GABRB3: variants seen among roughly 807,000 people sequenced by gnomAD.
The protein encoded by GABRB3 is gamma-aminobutyric acid receptor subunit beta-3.
GABRB3 carries 14 observed loss-of-function variants against 52.1 expected under a neutral mutation model. That is an observed-to-expected ratio of 0.27 (90% CI 0.18 to 0.42). The LOEUF (loss-of-function observed/expected upper bound fraction) is 0.42, where lower values mean the gene tolerates loss of function less well. GABRB3 is among the 10% of genes least tolerant of loss of function. The probability of loss-of-function intolerance (pLI) is 1.00; values close to 1 mark genes in which losing one functional copy is unlikely to be tolerated. For missense variants in GABRB3, 307 were observed against 609.1 expected, an observed-to-expected ratio of 0.50 and a Z score of 5.22; for synonymous variants, 260 against 232.3, an observed-to-expected ratio of 1.12 and a Z score of -1.08.
In GABRB3 at chr15:26,623,370, G is replaced by A. The variant is rs112292144; in HGVS notation, c.241-1836C>T. Among the ~76,000 whole-genome samples the A allele has an allele frequency of 3.9e-5, 6 of 152,226 alleles. No homozygotes were observed. In the South Asian group the frequency reaches 8.3e-4, roughly 21 times the overall value. Reference sequence around the variant, plus strand: ...AGAGCCATGACCAGGAGTATTAACCGTGCCTTTTATTTCTGTGTTCTGATG... The same window carrying A: ...AGAGCCATGACCAGGAGTATTAACCATGCCTTTTATTTCTGTGTTCTGATG... On this transcript the variant is annotated intron_variant, in intron 3 of 8. Coordinates refer to ENST00000311550, the MANE Select transcript of GABRB3 (RefSeq NM_000814.6).
chr15:26,700,651 T>A (rs1461925932), intron 3 of GABRB3, among the ~76,000 whole-genome samples: 1 of 152,214 alleles, frequency 6.6e-6, no homozygotes, highest in Non-Finnish European at 1.5e-5. Context: ...AAGGAAAGTT[T>A]AACTTTTTTT....
intron 3 of GABRB3, among the ~76,000 whole-genome samples, chr15:26,753,329 G>C (rs917458352): frequency 3.3e-5 from 5 of 152,202 alleles, no homozygotes; most frequent in African/African-American, 1.2e-4. Context: ...AGAGGAACCA[G>C]ACCACAGGAG....
chr15:26,670,534 C>T (rs960234766), intron 3 of GABRB3, among the ~76,000 whole-genome samples: 2 of 152,172 alleles, frequency 1.3e-5, no homozygotes, highest in South Asian at 2.1e-4. Flanking sequence ...CCGTGCCGAC[C>T]GCAGCTCCAC....
In GABRB3 at chr15:26,547,493, T is replaced by C; in HGVS notation, c.*300A>G. On this transcript the variant is annotated 3_prime_UTR_variant, in exon 9 of 9. Coordinates refer to ENST00000311550, the MANE Select transcript of GABRB3 (RefSeq NM_000814.6). Reference sequence around the variant, plus strand: ...TTAAAAAAGAAAAAAACTATGACTTTCTTTAATATGCATCCTGTGGTAAAT... The same window carrying C: ...TTAAAAAAGAAAAAAACTATGACTTCCTTTAATATGCATCCTGTGGTAAAT... 2 of 490,362 alleles carry C rather than the reference T, an allele frequency of 4.1e-6. No individual in the cohort carries two copies. The highest frequency in any genetic ancestry group is 7.1e-6 in the Non-Finnish European group (2 of 280,886). The allele number at this position is 490,362 out of a possible 1,614,324, so 30.4% of individuals were successfully genotyped here.
rs1225961318 is a variant in GABRB3, at chr15:26,543,930, A to G, written c.*3863T>C. ...TGGGAATTTAGTATTTCAGGAAAAC[A>G]TGGCGCCTTTCAATGCAGTAGAAGA... On this transcript the variant is annotated 3_prime_UTR_variant, in exon 9 of 9. Transcript: ENST00000311550. 2 of 152,740 alleles carry G rather than the reference A, an allele frequency of 1.3e-5. No homozygotes were observed. The highest frequency in any genetic ancestry group is 1.9e-4 in the East Asian group (1 of 5,172). The allele number at this position is 152,740 out of a possible 1,614,324, so 9.5% of individuals were successfully genotyped here. A position where few individuals can be genotyped will look rare whatever the true frequency, so the allele number is the denominator to read the frequency against.
At chr15:26,693,437 T>G (rs116974206) in intron 3 of GABRB3, among the ~76,000 whole-genome samples, 1,610 of 152,298 alleles carry the variant, frequency 0.011, 23 homozygotes, top group Non-Finnish European at 0.017. Flanking sequence ...GCACTTCATG[T>G]GCCCTTGTTG....
At chr15:26,552,825 T>C (rs1889530681) in intron 8 of GABRB3, among the ~76,000 whole-genome samples, 1 of 152,226 alleles carries the variant, frequency 6.6e-6, no homozygotes, top group South Asian at 2.1e-4. Context: ...ACTGGGAATG[T>C]TGTTGTGGAG....
intron 3 of GABRB3, chr15:26,642,396 T>C: frequency 9.7e-7 from 1 of 1,031,418 alleles, no homozygotes; most frequent in South Asian, 1.4e-5. Context: ...CCCCTGAATA[T>C]ACTGAGGGGC....
At chr15:26,691,895 T>C (rs796303984) in intron 3 of GABRB3, among the ~76,000 whole-genome samples, 3 of 152,176 alleles carry the variant, frequency 2.0e-5, no homozygotes, top group Non-Finnish European at 2.9e-5. Flanking sequence ...AGTTTTAGCA[T>C]CCTTAATCAA....
At chr15:26,665,741 C>A (rs908627626) in intron 3 of GABRB3, among the ~76,000 whole-genome samples, 3 of 152,182 alleles carry the variant, frequency 2.0e-5, no homozygotes, top group Admixed American at 6.5e-5. Flanking sequence ...AATGATAAAA[C>A]CTCATCTAAC....
chr15:26,638,888 A>G (rs1209353568), intron 3 of GABRB3, among the ~76,000 whole-genome samples: 1 of 151,956 alleles, frequency 6.6e-6, no homozygotes, highest in Non-Finnish European at 1.5e-5. Flanking sequence ...CAGAGGAACA[A>G]CCCCCACCAC....
rs1371560259 is a variant in GABRB3 at position 26,773,010 on chromosome 15, G to A, written c.-48C>T. The A allele has an allele frequency of 7.7e-7, 1 of 1,295,164 alleles. No individual in the cohort carries two copies. Among genetic ancestry groups the A allele is most frequent in the Non-Finnish European group, 9.9e-7 (1 of 1,013,376 alleles). The allele number at this position is 1,295,164 out of a possible 1,614,324, so 80.2% of individuals were successfully genotyped here. On this transcript the variant is annotated 5_prime_UTR_variant, in exon 1 of 9. Transcript: ENST00000311550. ...GGGGAGGGGGCGCCCCGCCGCCGTC[G>A]CGACCCGCAGCCGGGGCTGCTCCTG...
At chr15:26,667,339 G>C (rs1016808390) in intron 3 of GABRB3, among the ~76,000 whole-genome samples, 1 of 152,102 alleles carries the variant, frequency 6.6e-6, no homozygotes. Flanking sequence ...TAGGATCTGG[G>C]GGTGACACAG....
At chr15:26,716,029 C>T (rs1305355796) in intron 3 of GABRB3, among the ~76,000 whole-genome samples, 1 of 152,186 alleles carries the variant, frequency 6.6e-6, no homozygotes, top group African/African-American at 2.4e-5. Context: ...AAAAGCTGAG[C>T]CATGCAGGAA....
intron 3 of GABRB3, among the ~76,000 whole-genome samples, chr15:26,719,134 C>T (rs1889578195): frequency 6.6e-6 from 1 of 152,274 alleles, no homozygotes; most frequent in Non-Finnish European, 1.5e-5. Context: ...ATTATTCCTG[C>T]CATGTCCACA....
intron 5 of GABRB3, among the ~76,000 whole-genome samples, chr15:26,581,910 G>A (rs982159721): frequency 6.6e-6 from 1 of 150,642 alleles, no homozygotes; most frequent in Admixed American, 6.7e-5. Context: ...TGTTTTGTCT[G>A]TCATCTCTAA....
At chr15:26,642,420 T>C (rs1479291827) in intron 3 of GABRB3, 1 of 1,224,686 alleles carries the variant, frequency 8.2e-7, no homozygotes, top group East Asian at 5.7e-5. Context: ...TGTGTATATA[T>C]ATGTATACAT....
intron 3 of GABRB3, among the ~76,000 whole-genome samples, chr15:26,745,728 T>C (rs1365912124): frequency 6.6e-6 from 1 of 152,246 alleles, no homozygotes; most frequent in African/African-American, 2.4e-5. Context: ...AAATATAGTG[T>C]AACCTTTACG....
intron 3 of GABRB3, among the ~76,000 whole-genome samples, chr15:26,761,836 A>G (rs934069697): frequency 1.3e-5 from 2 of 151,804 alleles, no homozygotes; most frequent in Admixed American, 6.6e-5. Flanking sequence ...CCTCTTATTT[A>G]TTTATTTATT....
Sources: allele counts gnomAD v4.1 joint callset (sites outside exome capture counted in the v4.1 genomes callset), GRCh38; gene constraint gnomAD v4.1.1; transcripts MANE v1.5; gene names NCBI Gene and HGNC (gene_info 2026-07-23, HGNC 2026-07-21).